DOCK9: variants seen among roughly 807,000 people sequenced by gnomAD.
The protein encoded by DOCK9 is dedicator of cytokinesis 9, also known as dedicator of cytokinesis protein 9.
Under a neutral mutation model 263.3 loss-of-function variants are expected in DOCK9, and 89 were observed. The ratio of observed to expected loss-of-function variants is 0.34; its 90% confidence interval spans 0.28 to 0.40. The LOEUF is 0.40. Among genes scored for constraint, DOCK9 ranks in the 10% least tolerant of loss-of-function variants. DOCK9 has a pLI of 1.00. For missense variants in DOCK9, 2,140 were observed against 2,603.4 expected, an observed-to-expected ratio of 0.82 and a Z score of 3.87; for synonymous variants, 976 against 973.1, an observed-to-expected ratio of 1.00 and a Z score of -0.06.
intron 1 of DOCK9, among the ~76,000 whole-genome samples, chr13:99,046,190 A>G (rs1216851545): frequency 2.0e-5 from 3 of 152,094 alleles, no homozygotes; most frequent in African/African-American, 7.2e-5. Context: ...GCAGAAATGT[A>G]TGTCCCAACA....
intron 2 of DOCK9, among the ~76,000 whole-genome samples, chr13:98,947,193 C>A (rs547796758): frequency 6.2e-4 from 94 of 152,274 alleles, no homozygotes; most frequent in African/African-American, 2.3e-3. Flanking sequence ...TAGTCCCCTG[C>A]TTATTAAGAC....
intron 44 of DOCK9, chr13:98,826,082 T>C (rs2092523161): frequency 1.8e-6 from 1 of 559,848 alleles, no homozygotes. Flanking sequence ...ACCAGAAATA[T>C]ACAGTCTGTG....
chr13:98,794,713 C>G lies in DOCK9; in HGVS notation c.6192G>C (p.Pro2064=). ...CPLEEKTSVL[P]NSLHIFNAIS... is the part of the protein sequence containing the mutation. ...TGGCGTTGAAGATGTGAAGGGAATT[C>G]GGTAAGACGCTCGTCTTCTCCTCCA... The change falls in exon 53 of 53, where the codon CCG becomes CCC. Residue 2064 remains proline, a synonymous_variant. Coordinates refer to ENST00000682017, the MANE Select transcript of DOCK9 (RefSeq NM_001366683.2). 6.2e-7 allele frequency: 1 copy of G among 1,613,910 alleles called. No individual in the cohort carries two copies. Among genetic ancestry groups the G allele is most frequent in the Non-Finnish European group, 8.5e-7 (1 of 1,179,854 alleles).
At chr13:98,935,534 C>T (rs1189691129) in intron 2 of DOCK9, among the ~76,000 whole-genome samples, 2 of 152,074 alleles carry the variant, frequency 1.3e-5, no homozygotes, top group South Asian at 4.2e-4. Context: ...TTGAGGGGGC[C>T]GAGGCAGGCA....
intron 45 of DOCK9, among the ~76,000 whole-genome samples, chr13:98,821,262 G>A (rs2092257465): frequency 6.6e-6 from 1 of 152,148 alleles, no homozygotes; most frequent in East Asian, 1.9e-4. Context: ...AGGCTGGGGG[G>A]CAGGAGGAGA....
rs2090533327 is a variant in DOCK9, at chr13:98,805,023, A to C, written c.5701T>G (p.Cys1901Gly). ...GKRQGGVEEQ[C>G]KRRTILTAIH... The stretch of plus-strand genomic sequence containing the variant: ...CCTGTCAGGATGGTGCGCCGTTTGC[A>C]CTGCTCTTCCACCCCGCCCTGCCTC... The change falls in exon 49 of 53, where the codon TGC becomes GGC. Residue 1901 changes from cysteine to glycine, a missense_variant. Cys to Gly is a radical substitution (Grantham distance 159). This residue lies in a region of DOCK9 where 619 missense variants were observed against 861.8 expected (regional missense o/e 0.72). Transcript: ENST00000682017. The C allele has an allele frequency of 6.2e-7, 1 of 1,608,584 alleles. No homozygotes were observed. Among genetic ancestry groups the C allele is most frequent in the Non-Finnish European group, 8.5e-7 (1 of 1,177,614 alleles).
chr13:98,930,224 A>G lies in DOCK9; in HGVS notation c.277T>C (p.Cys93Arg). The G allele has an allele frequency of 5.0e-6, 8 of 1,612,094 alleles. No homozygotes were observed. Among genetic ancestry groups the G allele is most frequent in the Non-Finnish European group, 6.8e-6 (8 of 1,179,132 alleles). ...TCCGCCTTCGCAGGCACTGTTGAGC[A>G]TATGTATCGACCCTGTCGTCTCAGG... ...AILRRQGRYICSTVPAKAEEE... is the reference protein window; with the variant it reads ...AILRRQGRYIRSTVPAKAEEE... Residue 93 changes from cysteine to arginine, a missense_variant, in exon 3 of 53, where the codon TGC (cysteine) becomes CGC (arginine). Coordinates refer to ENST00000682017, the MANE Select transcript of DOCK9 (RefSeq NM_001366683.2).
intron 36 of DOCK9, among the ~76,000 whole-genome samples, chr13:98,849,434 CT>C (rs34901221): frequency 0.33 from 48,677 of 148,540 alleles, 8,620 homozygotes; most frequent in Non-Finnish European, 0.4. Context: ...TGCAGAAATT[CT>C]TTTTTTTTTT....
intron 10 of DOCK9, among the ~76,000 whole-genome samples, chr13:98,904,231 G>T (rs1025397974): frequency 6.6e-6 from 1 of 152,230 alleles, no homozygotes; most frequent in Non-Finnish European, 1.5e-5. Flanking sequence ...TGAGGAAACA[G>T]AAAAGTACTT....
At chr13:98,831,001 G>A (rs1373262126) in intron 41 of DOCK9, among the ~76,000 whole-genome samples, 1 of 152,160 alleles carries the variant, frequency 6.6e-6, no homozygotes, top group African/African-American at 2.4e-5. Flanking sequence ...AGCAGATAGA[G>A]GACAGAAAAG....
intron 27 of DOCK9, 107 bp downstream of exon 27, chr13:98,879,791 C>T (rs1432845681): frequency 8.1e-6 from 7 of 865,666 alleles, no homozygotes; most frequent in Admixed American, 2.7e-5. Context: ...GCACTTAGAA[C>T]AGTCCTGTAA....
At chr13:98,866,228 G>A (rs2094018613) in intron 30 of DOCK9, among the ~76,000 whole-genome samples, 1 of 152,074 alleles carries the variant, frequency 6.6e-6, no homozygotes, top group South Asian at 2.1e-4. Flanking sequence ...AGAATAGCCG[G>A]GGATTGTCAT....
intron 1 of DOCK9, among the ~76,000 whole-genome samples, chr13:98,970,272 A>G (rs1316098264): frequency 1.3e-5 from 2 of 152,186 alleles, no homozygotes; most frequent in Non-Finnish European, 2.9e-5. Flanking sequence ...TACCGGGATG[A>G]CAGGCCTGAG....
intron 1 of DOCK9, among the ~76,000 whole-genome samples, chr13:99,037,251 T>A (rs1249840326): frequency 6.6e-6 from 1 of 152,142 alleles, no homozygotes; most frequent in Non-Finnish European, 1.5e-5. Flanking sequence ...AAGATTTGTA[T>A]CCAGATATAT....
intron 32 of DOCK9, among the ~76,000 whole-genome samples, chr13:98,861,562 A>G (rs1197381233): frequency 6.6e-6 from 1 of 152,324 alleles, no homozygotes; most frequent in South Asian, 2.1e-4. Flanking sequence ...AAACTTTACT[A>G]ATTAGAAATT....
intron 29 of DOCK9, 63 bp downstream of exon 29, chr13:98,867,865 G>T: frequency 3.6e-6 from 5 of 1,393,508 alleles, no homozygotes; most frequent in Non-Finnish European, 4.9e-6. Flanking sequence ...AAAGGAAAAA[G>T]ATAATTCTAC....
intron 21 of DOCK9, 34 bp from the exon 22 acceptor site, chr13:98,883,933 A>C: frequency 6.7e-7 from 1 of 1,488,228 alleles, no homozygotes; most frequent in South Asian, 1.2e-5. Flanking sequence ...ATATCCCTAC[A>C]GATTAGTTAT....
At chr13:98,942,473 C>T (rs929291707) in intron 2 of DOCK9, among the ~76,000 whole-genome samples, 9 of 152,096 alleles carry the variant, frequency 5.9e-5, no homozygotes, top group African/African-American at 2.2e-4. Context: ...CTCCTGACCT[C>T]GTGATCTGCC....
At chr13:98,969,270 T>C (rs1033550411) in intron 1 of DOCK9, among the ~76,000 whole-genome samples, 1 of 152,212 alleles carries the variant, frequency 6.6e-6, no homozygotes, top group African/African-American at 2.4e-5. Flanking sequence ...GTTCCTCTAC[T>C]TGCATCCCTT....
Sources: allele counts gnomAD v4.1 joint callset (sites outside exome capture counted in the v4.1 genomes callset), GRCh38; gene constraint gnomAD v4.1.1; regional missense constraint gnomAD v4.1.1; transcripts MANE v1.5; gene names NCBI Gene and HGNC (gene_info 2026-07-23, HGNC 2026-07-21).